Variants in KIZ observed in about 807,000 individuals in gnomAD.
The protein encoded by KIZ is centrosomal protein kizuna.
In KIZ, 68 loss-of-function variants were observed where a neutral mutation model predicts 79.6. The ratio of observed to expected loss-of-function variants is 0.85; its 90% CI spans 0.70 to 1.05. KIZ has a LOEUF of 1.05. Among genes scored for constraint, KIZ ranks in the 50% least tolerant of loss-of-function variants. The pLI, the probability that KIZ is intolerant of heterozygous loss-of-function variation, is 0.00. For missense variants in KIZ, 797 were observed against 800.4 expected (o/e 1.00, Z 0.05); for synonymous variants, 280 against 281.8 (o/e 0.99, Z 0.06).
chr20:21,206,426 A>G (rs935045115), intron 7 of KIZ, among the ~76,000 whole-genome samples: 1 of 152,124 alleles, frequency 6.6e-6, no homozygotes, highest in Non-Finnish European at 1.5e-5. Flanking sequence ...GTACAGTGGC[A>G]TGAGAGGTGA....
At chr20:21,154,822 C>T (rs1041250474) in intron 4 of KIZ, among the ~76,000 whole-genome samples, 6 of 152,156 alleles carry the variant, frequency 3.9e-5, no homozygotes, top group African/African-American at 1.4e-4. Context: ...TACTCTGTTT[C>T]CTGTTGCTAA....
intron 6 of KIZ, among the ~76,000 whole-genome samples, chr20:21,165,897 C>T (rs1050729601): frequency 5.3e-5 from 8 of 152,210 alleles, no homozygotes; most frequent in African/African-American, 1.7e-4. Flanking sequence ...CTCCTGGGTT[C>T]AAGCTATTCT....
At chr20:21,208,398 A>C (rs2035926771) in intron 7 of KIZ, among the ~76,000 whole-genome samples, 1 of 152,172 alleles carries the variant, frequency 6.6e-6, no homozygotes, top group Non-Finnish European at 1.5e-5. Context: ...TTAATGACAA[A>C]ATCTATCCTT....
chr20:21,149,784 G>A (rs1471896433), intron 4 of KIZ, among the ~76,000 whole-genome samples: 3 of 152,220 alleles, frequency 2.0e-5, no homozygotes, highest in South Asian at 4.1e-4. Context: ...GATACCTTGT[G>A]TGGGGGAAAC....
chr20:21,220,760 G>A (rs1288954973), intron 9 of KIZ, among the ~76,000 whole-genome samples: 2 of 152,188 alleles, frequency 1.3e-5, no homozygotes, highest in African/African-American at 2.4e-5. Flanking sequence ...GATTACAGGC[G>A]TGAGCCGCCA....
intron 3 of KIZ, among the ~76,000 whole-genome samples, chr20:21,137,696 A>G (rs1349264755): frequency 6.6e-6 from 1 of 151,780 alleles, no homozygotes; most frequent in Non-Finnish European, 1.5e-5. Flanking sequence ...TTTCCTAAGC[A>G]CTTGAGCGTG....
intron 4 of KIZ, chr20:21,150,705 T>G (rs929048310): frequency 7.9e-5 from 12 of 152,206 alleles, no homozygotes; most frequent in Admixed American, 7.8e-4. Context: ...TGCAGACCTT[T>G]TTTTCAAGAG....
intron 3 of KIZ, chr20:21,138,904 C>T (rs895767457): frequency 1.3e-5 from 2 of 149,662 alleles, no homozygotes; most frequent in Non-Finnish European, 3.0e-5. Flanking sequence ...GAATGTTTTC[C>T]CCCTTTTCTT....
intron 9 of KIZ, among the ~76,000 whole-genome samples, chr20:21,220,300 T>C (rs1600580730): frequency 6.6e-6 from 1 of 151,744 alleles, no homozygotes; most frequent in East Asian, 1.9e-4. Flanking sequence ...TTTACAACAG[T>C]CCTATAGGGT....
intron 3 of KIZ, among the ~76,000 whole-genome samples, chr20:21,144,992 A>G (rs16982511): frequency 0.016 from 2,395 of 152,260 alleles, 63 homozygotes; most frequent in African/African-American, 0.054. Flanking sequence ...TTATGTAGTT[A>G]TTAGTGCCAG....
intron 6 of KIZ, among the ~76,000 whole-genome samples, chr20:21,173,569 TG>T (rs1349773780): frequency 9.1e-6 from 1 of 110,246 alleles, no homozygotes; most frequent in African/African-American, 3.6e-5. Flanking sequence ...CAGAGGGAGA[TG>T]CCGTCTCAAA....
chr20:21,165,941 G>A (rs547310170), intron 6 of KIZ, among the ~76,000 whole-genome samples: 1 of 152,046 alleles, frequency 6.6e-6, no homozygotes, highest in Non-Finnish European at 1.5e-5. Context: ...GACTACAGGT[G>A]CCCGCCATCA....
At chr20:21,131,719 G>A (rs980198374) in intron 1 of KIZ, 14 of 180,132 alleles carry the variant, frequency 7.8e-5, no homozygotes, top group Non-Finnish European at 4.6e-5. Context: ...TCCAGGCCTA[G>A]AACAGTGCCT....
At chr20:21,216,257 G>A (rs1050799464) in intron 9 of KIZ, among the ~76,000 whole-genome samples, 4 of 152,122 alleles carry the variant, frequency 2.6e-5, no homozygotes, top group African/African-American at 9.7e-5. Context: ...AGTTCTACTT[G>A]TCATACATCT....
chr20:21,246,115 A>G (rs1156374133), intron 12 of KIZ: 17 of 222,984 alleles, frequency 7.6e-5, no homozygotes, highest in Non-Finnish European at 1.7e-5. Flanking sequence ...ATGGGAGATG[A>G]AAGTGGAGGG....
intron 9 of KIZ, among the ~76,000 whole-genome samples, chr20:21,224,057 G>A (rs1363286942): frequency 1.3e-5 from 2 of 152,090 alleles, no homozygotes; most frequent in South Asian, 2.1e-4. Flanking sequence ...GCAATGGCGC[G>A]ATCTCGGGTC....
chr20:21,140,238 T>C (rs1237198138), intron 3 of KIZ, among the ~76,000 whole-genome samples: 4 of 152,240 alleles, frequency 2.6e-5, no homozygotes, highest in Non-Finnish European at 5.9e-5. Context: ...CCTCCTTTCT[T>C]GACTGACCTC....
chr20:21,160,466 C>T (rs77634588), intron 4 of KIZ, among the ~76,000 whole-genome samples: 17 of 152,222 alleles, frequency 1.1e-4, no homozygotes, highest in African/African-American at 2.9e-4. Flanking sequence ...TGTAAGGACA[C>T]GGGTCCCTTT....
intron 6 of KIZ, among the ~76,000 whole-genome samples, chr20:21,192,783 G>A (rs1239076345): frequency 6.6e-6 from 1 of 152,096 alleles, no homozygotes; most frequent in East Asian, 1.9e-4. Context: ...GCAATTTGGG[G>A]CATAGTAAAT....
Sources: gnomAD v4.1 joint callset for allele counts (sites outside exome capture counted in the v4.1 genomes callset) on GRCh38, gnomAD v4.1.1 for gene constraint, MANE v1.5 for transcripts, NCBI Gene and HGNC (gene_info 2026-07-23, HGNC 2026-07-21) for gene names.